FLNC: variants seen among roughly 807,000 people sequenced by gnomAD.
FLNC encodes filamin C.
In FLNC, 91 loss-of-function variants were observed where a neutral mutation model predicts 254.3. The observed-to-expected ratio is 0.36, with a 90% confidence interval of 0.30 to 0.43. The LOEUF (loss-of-function observed/expected upper bound fraction) is 0.43. Among genes scored for constraint, FLNC ranks in the 20% least tolerant of loss-of-function variants. FLNC has a pLI of 1.00. For missense variants in FLNC, 2,853 were observed against 3,802.6 expected, an observed-to-expected ratio of 0.75 and a Z score of 6.57; for synonymous variants, 1,430 against 1,577.2, an observed-to-expected ratio of 0.91 and a Z score of 2.21.
intron 42 of FLNC, 24 bp downstream of exon 42, chr7:128,854,936 G>C: frequency 6.2e-7 from 1 of 1,612,954 alleles, no homozygotes; most frequent in Non-Finnish European, 8.5e-7. Flanking sequence ...CTGGCAGTGG[G>C]GCTGGGCCTG....
intron 33 of FLNC, 21 bp from the exon 34 acceptor site, chr7:128,851,211 C>G (rs1808797043): frequency 6.2e-7 from 1 of 1,613,896 alleles, no homozygotes; most frequent in South Asian, 1.1e-5. Flanking sequence ...GACCCAGCCC[C>G]CTTTTTCTCT....
Position 128,856,767 on chromosome 7 carries a change from C to G in FLNC, c.7407C>G (p.Ile2469Met), listed in dbSNP as rs1563005140. Reference protein sequence around the residue: ...LDSDKHTIRFIPHENGVHSID... With the variant: ...LDSDKHTIRFMPHENGVHSID... ...CAGACAAGCACACCATCCGCTTCAT[C>G]CCCCACGAGAATGGCGTCCACTCCA... The change falls in exon 45 of 48, where the codon ATC becomes ATG. Residue 2469 changes from isoleucine (I) to methionine (M), a missense_variant. By Grantham distance (10) the Ile-to-Met change is conservative. Around this residue, in one of 10 missense-constraint regions of FLNC, gnomAD observed 197 missense variants for 351.5 expected, o/e 0.56. Coordinates refer to ENST00000325888, the MANE Select transcript of FLNC (RefSeq NM_001458.5). This position sits in a 1 kb window ranked among gnomAD's most constrained non-coding sequence, Gnocchi z 5.9. The G allele has an allele frequency of 6.2e-7, 1 of 1,614,218 alleles. No homozygotes were observed. Among genetic ancestry groups the G allele is most frequent in the African/African-American group, 1.3e-5 (1 of 75,058 alleles).
At chr7:128,852,775 A>G in intron 36 of FLNC, 23 bp downstream of exon 36, 2 of 1,613,024 alleles carry the variant, frequency 1.2e-6, no homozygotes, top group Non-Finnish European at 1.7e-6. Context: ...CCTCACGGGG[A>G]CCTCAGGGGT....
chr7:128,840,699 T>C (rs1014803748), intron 10 of FLNC, 25 bp downstream of exon 10: 1 of 1,614,050 alleles, frequency 6.2e-7, no homozygotes, highest in African/African-American at 1.3e-5. Context: ...CCCCCCATGC[T>C]GTCCTGTCTA....
chr7:128,856,414 C>T lies in FLNC; in HGVS notation c.7252-104C>T. On this transcript the variant is annotated intron_variant, in intron 43 of 47. Coordinates refer to ENST00000325888, the MANE Select transcript of FLNC (RefSeq NM_001458.5). The surrounding 1 kb of genome is among the most constrained non-coding windows in gnomAD (Gnocchi z 5.9). ...GGCCAGGCTGGGCATGGGGTGGCAG[C>T]AGCCTTTGGGCTGGGCTTACAGTGA... 1 of 1,478,466 alleles carries T rather than the reference C, an allele frequency of 6.8e-7. No homozygotes were observed. Among genetic ancestry groups the T allele is most frequent in the Non-Finnish European group, 9.3e-7 (1 of 1,075,394 alleles). 91.6% of individuals were successfully genotyped at this position (1,478,466 alleles called of 1,614,324 possible). A position where few individuals can be genotyped will look rare whatever the true frequency, so the allele number is the denominator to read the frequency against.
chr7:128,851,007 G>T, intron 33 of FLNC, 64 bp downstream of exon 33: 1 of 1,591,662 alleles, frequency 6.3e-7, no homozygotes, highest in Non-Finnish European at 8.6e-7. Flanking sequence ...CTTCAGTCCT[G>T]CCTTCCCTCT....
chr7:128,846,154 T>C lies in FLNC; in HGVS notation c.3955T>C (p.Tyr1319His), dbSNP rs757797427. Residue 1319 changes from tyrosine (Y) to histidine (H), a missense_variant, in exon 22 of 48, where the codon TAC becomes CAC. This residue lies in a region of FLNC where 1,573 missense variants were observed against 1,883.5 expected (regional missense o/e 0.84). Transcript: ENST00000325888. ...CACCTACCGAGTGCAGTACACCGCC[T>C]ACGAGGAGGGTGAGGGCCGGTGGGC... ...DGTYRVQYTAYEEGVHLVEVL... is the reference protein window; with the variant it reads ...DGTYRVQYTAHEEGVHLVEVL... 1.9e-6 allele frequency: 3 copies of C among 1,613,520 alleles called. No individual in the cohort carries two copies. Among genetic ancestry groups the C allele is most frequent in the Non-Finnish European group, 2.5e-6 (3 of 1,179,884 alleles).
chr7:128,831,649 G>C (rs1807896262), intron 1 of FLNC, among the ~76,000 whole-genome samples: 1 of 152,198 alleles, frequency 6.6e-6, no homozygotes, highest in East Asian at 1.9e-4. Context: ...TTCAGCCTGC[G>C]GTGGAGGGGG....
chr7:128,831,106 C>CT lies in FLNC; in HGVS notation c.352+117_352+118insT, dbSNP rs3837066. ...GAGAGACAGGGCGGAGGGCACCCCC[C>CT]GGTATAGAGAGAAGACCCTGGCCCC... On this transcript the variant is annotated intron_variant, in intron 1 of 47. Transcript: ENST00000325888. 196,439 of 929,422 alleles carry CT rather than the reference C, an allele frequency of 0.21. 30,281 individuals are homozygous for CT. The highest frequency in any genetic ancestry group is 0.62 in the African/African-American group (37,662 of 60,448). 57.6% of individuals were successfully genotyped at this position (929,422 alleles called of 1,614,324 possible).
At chr7:128,844,500 T>A (rs1808472347) in intron 20 of FLNC, among the ~76,000 whole-genome samples, 158 bp from the exon 21 acceptor site, 2 of 152,170 alleles carry the variant, frequency 1.3e-5, no homozygotes, top group Admixed American at 6.5e-5. Context: ...TGGGGCAAAT[T>A]GCTTCATCTC....
In FLNC at chr7:128,830,705, C is replaced by T. The variant is rs1807851030; in HGVS notation, c.68C>T (p.Ser23Phe). 6.2e-7 allele frequency: 1 copy of T among 1,612,832 alleles called. No homozygotes were observed. Among genetic ancestry groups the T allele is most frequent in the African/African-American group, 1.3e-5 (1 of 74,944 alleles). Residue 23 changes from serine (S) to phenylalanine (F), a missense_variant, in exon 1 of 48, where the codon TCC becomes TTC. Transcript: ENST00000325888. ...GGCGATGAGACAGACGAGATGCCGT[C>T]CACGGAGAAGGACCTGGCGGAGGAC... is the stretch of plus-strand genomic sequence containing the variant. ...GLGDETDEMP[S>F]TEKDLAEDAP...
intron 21 of FLNC, 61 bp from the exon 22 acceptor site, chr7:128,845,929 A>C (rs1808543467): frequency 1.4e-6 from 2 of 1,462,406 alleles, no homozygotes; most frequent in Non-Finnish European, 1.9e-6. Flanking sequence ...GGGAGAGGAG[A>C]GGGAGCATCT....
At chr7:128,850,588 GAGCTCTACCC>G (rs762201836) in intron 32 of FLNC, 105 bp downstream of exon 32, 111 of 1,205,856 alleles carry the variant, frequency 9.2e-5, no homozygotes, top group Non-Finnish European at 9.4e-5. Flanking sequence ...GAGAGGAAGT[GAGCTCTACCC>G]AGGGTCACAC....
rs369398096 is a variant in FLNC, at chr7:128,844,721, G to A, written c.3256G>A (p.Asp1086Asn). The A allele has an allele frequency of 2.5e-6, 4 of 1,613,782 alleles. No individual in the cohort carries two copies. The highest frequency in any genetic ancestry group is 1.7e-5 in the Admixed American group (1 of 60,024). Reference sequence around the variant, plus strand: ...AGGCACCCCCGCGCCATTCTCCATCGACACCAAGGGGGCTGGCACAGGTGG... The same window carrying A: ...AGGCACCCCCGCGCCATTCTCCATCAACACCAAGGGGGCTGGCACAGGTGG... Reference protein sequence around the residue: ...LVGTPAPFSIDTKGAGTGGLG... With the variant: ...LVGTPAPFSINTKGAGTGGLG... The change falls in exon 21 of 48, where the codon GAC (aspartate) becomes AAC (asparagine). Residue 1086 changes from aspartate to asparagine, a missense_variant. Asp to Asn is a conservative substitution (Grantham distance 23). Transcript: ENST00000325888.
chr7:128,845,116 C>T lies in FLNC; in HGVS notation c.3651C>T (p.Ser1217=). Residue 1217 remains serine, a synonymous_variant, in exon 21 of 48, where the codon AGC becomes AGT. Transcript: ENST00000325888. ...NADGTYHITY[S]PAFPGTYTIT... ...ATGGCACCTACCACATCACCTACAG[C>T]CCTGCCTTCCCTGGCACCTACACCA... 6.2e-7 allele frequency: 1 copy of T among 1,613,960 alleles called. No individual in the cohort carries two copies. Among genetic ancestry groups the T allele is most frequent in the Non-Finnish European group, 8.5e-7 (1 of 1,180,036 alleles).
At position 128,846,731 on chromosome 7, in the gene FLNC, A is replaced by T. The variant is rs1562998303; in HGVS notation, c.4128-14A>T. The T allele has an allele frequency of 6.2e-7, 1 of 1,612,372 alleles. No individual in the cohort carries two copies. The highest frequency in any genetic ancestry group is 1.7e-5 in the Admixed American group (1 of 59,964). ...CTGGTCTTATGAAGCTGATGGGGGG[A>T]TGTTATCTCTCAGGGGAGCGGGCAC... is the stretch of plus-strand genomic sequence containing the variant. On this transcript the variant is annotated splice_polypyrimidine_tract_variant and intron_variant, in intron 23 of 47. Transcript: ENST00000325888.
chr7:128,846,186 A>G (rs1455842910), intron 22 of FLNC, 23 bp downstream of exon 22: 1 of 1,509,356 alleles, frequency 6.6e-7, no homozygotes, highest in Non-Finnish European at 8.9e-7. Flanking sequence ...GGGCCAGGCT[A>G]GTGGGCAGGG....
rs776614185 is a variant in FLNC at position 128,837,567 on chromosome 7, C to G, written c.850+19C>G. ...GGGCCTGGTATGTGTGAGCCCCTGG[C>G]GGCCCTCCTGGGCAGCTGGGCACAT... On this transcript the variant is annotated intron_variant, in intron 4 of 47. Transcript: ENST00000325888. The G allele has an allele frequency of 6.2e-7, 1 of 1,613,986 alleles. No individual in the cohort carries two copies. Among genetic ancestry groups the G allele is most frequent in the South Asian group, 1.1e-5 (1 of 91,092 alleles).
chr7:128,838,943 C>G, intron 8 of FLNC, 140 bp downstream of exon 8: 1 of 727,584 alleles, frequency 1.4e-6, no homozygotes, highest in Non-Finnish European at 2.3e-6. Context: ...GGCTGGAGTT[C>G]CTAAGAGCAC....
Sources: allele counts gnomAD v4.1 joint callset (sites outside exome capture counted in the v4.1 genomes callset), GRCh38; gene constraint gnomAD v4.1.1; regional missense constraint gnomAD v4.1.1; non-coding constraint Gnocchi (gnomAD v3.1); transcripts MANE v1.5; gene names NCBI Gene and HGNC (gene_info 2026-07-23, HGNC 2026-07-21).